Variants in ARHGEF4 observed in about 807,000 individuals in gnomAD.
ARHGEF4 encodes Rho guanine nucleotide exchange factor 4, also known as APC-stimulated guanine nucleotide exchange factor 1.
ARHGEF4 carries 119 observed loss-of-function variants against 162.0 expected under a neutral mutation model. The ratio of observed to expected loss-of-function variants is 0.73; its 90% CI spans 0.63 to 0.86. The LOEUF is 0.86. Among genes scored for constraint, ARHGEF4 ranks in the 40% least tolerant of loss-of-function variants. The pLI, the probability that ARHGEF4 is intolerant of heterozygous loss-of-function variation, is 0.00. For missense variants in ARHGEF4, 2,488 were observed against 2,456.0 expected (o/e 1.01, Z -0.28); for synonymous variants, 1,014 against 979.9 (o/e 1.03, Z -0.65).
At chr2:130,871,569 A>C (rs1227634264) in intron 1 of ARHGEF4, among the ~76,000 whole-genome samples, 1 of 140,312 alleles carries the variant, frequency 7.1e-6, no homozygotes, top group Non-Finnish European at 1.5e-5. Context: ...ATATATATAC[A>C]CATATATACA....
At chr2:130,994,309 C>A (rs1293358378) in intron 4 of ARHGEF4, among the ~76,000 whole-genome samples, 1 of 152,078 alleles carries the variant, frequency 6.6e-6, no homozygotes, top group Non-Finnish European at 1.5e-5. Context: ...CTTTTCCTGG[C>A]TTGGCCATTT....
chr2:130,949,983 T>G (rs1015690956), intron 4 of ARHGEF4, among the ~76,000 whole-genome samples: 6 of 152,210 alleles, frequency 3.9e-5, no homozygotes, highest in African/African-American at 9.6e-5. Context: ...GTGAAATTTC[T>G]TTATTTGCTC....
At chr2:130,966,611 G>A (rs1360972918) in intron 4 of ARHGEF4, among the ~76,000 whole-genome samples, 1 of 152,358 alleles carries the variant, frequency 6.6e-6, no homozygotes, top group African/African-American at 2.4e-5. Context: ...TGGATGTAAC[G>A]TGATGAGGCT....
intron 2 of ARHGEF4, among the ~76,000 whole-genome samples, chr2:130,928,252 G>A (rs1378206774): frequency 6.6e-6 from 1 of 152,170 alleles, no homozygotes; most frequent in Non-Finnish European, 1.5e-5. Flanking sequence ...ATGTTTAGAG[G>A]TCTCTTCTCT....
chr2:130,943,675 C>T (rs1053352147), intron 3 of ARHGEF4, among the ~76,000 whole-genome samples: 4 of 152,138 alleles, frequency 2.6e-5, no homozygotes, highest in East Asian at 1.9e-4. Context: ...TATTTTCCCA[C>T]TTCGAGTGGA....
chr2:130,968,166 A>G (rs1464472072), intron 4 of ARHGEF4, among the ~76,000 whole-genome samples: 1 of 152,210 alleles, frequency 6.6e-6, no homozygotes, highest in Non-Finnish European at 1.5e-5. Context: ...CCCTAGATAC[A>G]CAAAGTGACT....
intron 1 of ARHGEF4, among the ~76,000 whole-genome samples, chr2:130,905,158 T>TTA (rs1161219659): frequency 1.8e-4 from 28 of 152,232 alleles, no homozygotes; most frequent in Non-Finnish European, 4.4e-5. Flanking sequence ...TGCTCTTTAA[T>TTA]TATAGAATAC....
At chr2:131,006,878 G>A (rs1400969772) in intron 4 of ARHGEF4, among the ~76,000 whole-genome samples, 5 of 152,190 alleles carry the variant, frequency 3.3e-5, no homozygotes, top group Non-Finnish European at 7.3e-5. Flanking sequence ...ATAAAATGGG[G>A]CCAAAAGTAG....
At chr2:130,950,616 G>A (rs1027072450) in intron 4 of ARHGEF4, among the ~76,000 whole-genome samples, 4 of 151,980 alleles carry the variant, frequency 2.6e-5, no homozygotes, top group Non-Finnish European at 5.9e-5. Context: ...TCACAGATAC[G>A]TGCGGTCATC....
In ARHGEF4 at chr2:130,916,384, G is replaced by A. The variant is rs1313008182; in HGVS notation, c.2438G>A (p.Gly813Glu). 1 of 1,533,940 alleles carries A rather than the reference G, an allele frequency of 6.5e-7. No homozygotes were observed. Among genetic ancestry groups the A allele is most frequent in the Non-Finnish European group, 8.7e-7 (1 of 1,142,914 alleles). Residue 813 changes from glycine to glutamate, a missense_variant, in exon 2 of 14, where the codon GGG becomes GAG. Gly to Glu is a moderately conservative substitution (Grantham distance 98). Coordinates refer to ENST00000409359, the MANE Select transcript of ARHGEF4 (RefSeq NM_001367493.1). ...CCCTTGGCCACTGAGAGCCCAGGAG[G>A]GGTCCCGGCCCCGACCACCGAGGGT... ...GRPLATESPG[G>E]VPAPTTEGRR...
intron 4 of ARHGEF4, among the ~76,000 whole-genome samples, chr2:131,004,167 T>C (rs186832047): frequency 9.7e-4 from 147 of 152,238 alleles, no homozygotes; most frequent in African/African-American, 2.6e-3. Flanking sequence ...TGTTTTGTTT[T>C]GTTTTGGGGT....
chr2:130,869,426 G>A (rs1210364799), intron 1 of ARHGEF4, among the ~76,000 whole-genome samples: 1 of 152,198 alleles, frequency 6.6e-6, no homozygotes, highest in Non-Finnish European at 1.5e-5. Flanking sequence ...GGTCACTGGT[G>A]GTGTCACTGA....
At chr2:130,982,951 T>C (rs1296900227) in intron 4 of ARHGEF4, among the ~76,000 whole-genome samples, 1 of 152,190 alleles carries the variant, frequency 6.6e-6, no homozygotes, top group Non-Finnish European at 1.5e-5. Flanking sequence ...AGTGAAACCC[T>C]AAAAAGCAAG....
intron 4 of ARHGEF4, among the ~76,000 whole-genome samples, chr2:131,019,271 G>T (rs1284010622): frequency 1.3e-5 from 2 of 152,106 alleles, no homozygotes; most frequent in Admixed American, 6.5e-5. Context: ...GATTATCTCG[G>T]TGTGGTGTCA....
Position 130,915,109 on chromosome 2 carries a change from G to A in ARHGEF4, c.1163G>A (p.Gly388Asp). ...TCCCCTGCACCCACCCAGCTGTCTG[G>A]CCCGATTCCTGCTTTTCAGAGTGGG... ...IPSPAPTQLS[G>D]PIPAFQSGAP... is the part of the protein sequence containing the mutation. Residue 388 changes from glycine (G) to aspartate (D), a missense_variant, in exon 2 of 14, where the codon GGC becomes GAC. This residue lies in a region of ARHGEF4 where 1,642 missense variants were observed against 1,481.5 expected (regional missense o/e 1.11). Coordinates refer to ENST00000409359, the MANE Select transcript of ARHGEF4 (RefSeq NM_001367493.1). 6.4e-7 allele frequency: 1 copy of A among 1,550,688 alleles called. No individual in the cohort carries two copies. The highest frequency in any genetic ancestry group is 8.7e-7 in the Non-Finnish European group (1 of 1,147,022).
At chr2:130,967,544 A>G (rs1273066952) in intron 4 of ARHGEF4, among the ~76,000 whole-genome samples, 2 of 152,188 alleles carry the variant, frequency 1.3e-5, no homozygotes, top group Non-Finnish European at 2.9e-5. Context: ...TGGAGAAGCC[A>G]TGCTGCTTCC....
chr2:130,952,575 A>G (rs1036939026), intron 4 of ARHGEF4, among the ~76,000 whole-genome samples: 2 of 152,202 alleles, frequency 1.3e-5, no homozygotes, highest in African/African-American at 4.8e-5. Flanking sequence ...CAATCAGGCA[A>G]GAGAAAGCAA....
At chr2:130,970,947 T>C (rs1685320896) in intron 4 of ARHGEF4, among the ~76,000 whole-genome samples, 1 of 152,252 alleles carries the variant, frequency 6.6e-6, no homozygotes, top group Admixed American at 6.5e-5. Flanking sequence ...CTCTGTCTTA[T>C]AAAACATACT....
intron 3 of ARHGEF4, among the ~76,000 whole-genome samples, chr2:130,938,881 A>G (rs548791430): frequency 3.9e-5 from 6 of 152,152 alleles, no homozygotes; most frequent in African/African-American, 1.2e-4. Flanking sequence ...TTCACATTTA[A>G]GTTTGTGATT....
Sources: allele counts gnomAD v4.1 joint callset (sites outside exome capture counted in the v4.1 genomes callset), GRCh38; gene constraint gnomAD v4.1.1; regional missense constraint gnomAD v4.1.1; transcripts MANE v1.5; gene names NCBI Gene and HGNC (gene_info 2026-07-23, HGNC 2026-07-21).